Variants in AXDND1 observed in about 807,000 individuals in gnomAD.
The protein encoded by AXDND1 is axonemal dynein light chain domain-containing protein 1.
Under a neutral mutation model 137.5 loss-of-function variants are expected in AXDND1, and 110 were observed. The ratio of observed to expected loss-of-function variants is 0.80; its 90% CI spans 0.69 to 0.94. The LOEUF is 0.94. AXDND1 is among the 40% of genes least tolerant of loss of function. The pLI is 0.00. For synonymous variants in AXDND1, 414 were observed against 399.7 expected (o/e 1.04, Z -0.43); for missense variants, 1,191 against 1,169.8 (o/e 1.02, Z -0.26).
chr1:179,432,068 C>G (rs1558169525), intron 14 of AXDND1, among the ~76,000 whole-genome samples, 199 bp from the exon 15 acceptor site: 1 of 152,124 alleles, frequency 6.6e-6, no homozygotes, highest in Non-Finnish European at 1.5e-5. Flanking sequence ...AACTTGATTG[C>G]TCAGGTCTGA....
chr1:179,518,930 A>G (rs13374433), intron 21 of AXDND1, among the ~76,000 whole-genome samples: 1 of 152,078 alleles, frequency 6.6e-6, no homozygotes, highest in Admixed American at 6.6e-5. Context: ...GGGTCAAATG[A>G]TATTTCTGTC....
At chr1:179,512,222 C>G (rs181335172) in intron 21 of AXDND1, among the ~76,000 whole-genome samples, 74 of 152,256 alleles carry the variant, frequency 4.9e-4, no homozygotes, top group African/African-American at 1.7e-3. Context: ...CTTAATCCAT[C>G]TTGAGTTGAT....
intron 11 of AXDND1, among the ~76,000 whole-genome samples, chr1:179,402,129 G>A (rs2125176217): frequency 7.0e-6 from 1 of 143,562 alleles, no homozygotes; most frequent in South Asian, 2.2e-4. Flanking sequence ...CCGACATCAT[G>A]CACTCCAGCC....
chr1:179,406,176 CTTG>C (rs60424348), intron 11 of AXDND1, among the ~76,000 whole-genome samples: 44,470 of 151,748 alleles, frequency 0.29, 6,685 homozygotes, highest in Non-Finnish European at 0.31. Flanking sequence ...CAAAGTTTCT[CTTG>C]TTATTAATTT....
At chr1:179,477,444 C>A (rs11800184) in intron 17 of AXDND1, among the ~76,000 whole-genome samples, 69,340 of 151,800 alleles carry the variant, frequency 0.46, 16,709 homozygotes, top group East Asian at 0.76. Context: ...GGTGAGAGGC[C>A]CATCTCATAT....
At chr1:179,510,442 TA>T (rs142075493) in intron 21 of AXDND1, among the ~76,000 whole-genome samples, 19,064 of 84,442 alleles carry the variant, frequency 0.23, 1,367 homozygotes, top group East Asian at 0.32. Context: ...TCTACACATT[TA>T]TGAAACTTTT....
chr1:179,414,106 T>C (rs957505596), intron 12 of AXDND1, among the ~76,000 whole-genome samples: 1 of 151,962 alleles, frequency 6.6e-6, no homozygotes, highest in Admixed American at 6.6e-5. Context: ...ATTGGGCAAA[T>C]AATGCAGTTT....
intron 7 of AXDND1, among the ~76,000 whole-genome samples, 158 bp from the exon 8 acceptor site, chr1:179,383,284 T>A (rs1046104858): frequency 1.3e-5 from 2 of 152,170 alleles, no homozygotes; most frequent in Non-Finnish European, 2.9e-5. Context: ...ATATTATTGA[T>A]CTCCCAATAG....
chr1:179,468,784 C>T (rs1189596330), intron 17 of AXDND1, 143 bp downstream of exon 17: 5 of 589,934 alleles, frequency 8.5e-6, no homozygotes, highest in Non-Finnish European at 1.3e-5. Context: ...CATTACCGGT[C>T]AATTTTAGAA....
chr1:179,553,393 T>G (rs1216068292), intron 25 of AXDND1, among the ~76,000 whole-genome samples: 1 of 152,254 alleles, frequency 6.6e-6, no homozygotes, highest in African/African-American at 2.4e-5. Flanking sequence ...AAATGTGGTA[T>G]AGCCTCACAA....
rs191177659 is a variant in AXDND1, at chr1:179,528,308, G to A, written c.2611-19G>A. 7 of 1,579,200 alleles carry A rather than the reference G, an allele frequency of 4.4e-6. No individual in the cohort carries two copies. The highest frequency in any genetic ancestry group is 1.7e-4 in the Middle Eastern group (1 of 6,004). The stretch of plus-strand genomic sequence containing the variant: ...GCTACACCAGCTTGCTAACAGGTCC[G>A]CATGTTTCTGTGTTCTAGCAACCTT... On this transcript the variant is annotated intron_variant, in intron 22 of 25. Coordinates refer to ENST00000367618, the MANE Select transcript of AXDND1 (RefSeq NM_144696.6).
chr1:179,490,491 G>A (rs1428940915), intron 18 of AXDND1, among the ~76,000 whole-genome samples: 1 of 152,140 alleles, frequency 6.6e-6, no homozygotes, highest in African/African-American at 2.4e-5. Context: ...ACACTCCTAA[G>A]CCAAAAGAAA....
chr1:179,447,900 T>C, intron 16 of AXDND1: 2 of 1,363,804 alleles, frequency 1.5e-6, no homozygotes, highest in Non-Finnish European at 2.1e-6. Flanking sequence ...CATTTCTATG[T>C]AATATGGTTT....
rs115187893 is a variant in AXDND1, at chr1:179,517,607, G to A, written c.2497-7727G>A. Among the ~76,000 whole-genome samples the A allele has an allele frequency of 3.8e-3, 581 of 152,262 alleles. 2 individuals are homozygous for A. Among genetic ancestry groups the A allele is most frequent in the African/African-American group, 0.014 (563 of 41,570 alleles). ...GGAATGGCCTGCTTGGGGACCCTGC[G>A]AACTCCCAGAGCCTTTCCTGCTGCT... is the stretch of plus-strand genomic sequence containing the variant. On this transcript the variant is annotated intron_variant, in intron 21 of 25. Coordinates refer to ENST00000367618, the MANE Select transcript of AXDND1 (RefSeq NM_144696.6).
chr1:179,535,689 T>C (rs1406766734), intron 25 of AXDND1, among the ~76,000 whole-genome samples: 2 of 152,250 alleles, frequency 1.3e-5, no homozygotes, highest in African/African-American at 4.8e-5. Flanking sequence ...AACATACGTG[T>C]ACATGTGTCT....
intron 13 of AXDND1, 106 bp from the exon 14 acceptor site, chr1:179,430,345 AT>A: frequency 1.2e-6 from 1 of 856,330 alleles, no homozygotes; most frequent in Non-Finnish European, 1.7e-6. Context: ...TCAATTTTCT[AT>A]GAATTTCTCT....
chr1:179,398,321 A>G (rs1401155588), intron 11 of AXDND1, among the ~76,000 whole-genome samples: 5 of 152,160 alleles, frequency 3.3e-5, no homozygotes, highest in Non-Finnish European at 7.3e-5. Flanking sequence ...TATTGGGACC[A>G]GCTTTGTTCT....
At chr1:179,381,810 T>C (rs1296476385) in intron 6 of AXDND1, among the ~76,000 whole-genome samples, 1 of 152,046 alleles carries the variant, frequency 6.6e-6, no homozygotes, top group African/African-American at 2.4e-5. Flanking sequence ...GATGGAGTTT[T>C]GCTGTTGTTG....
intron 21 of AXDND1, among the ~76,000 whole-genome samples, chr1:179,523,943 T>C (rs541848912): frequency 6.6e-6 from 1 of 152,278 alleles, no homozygotes; most frequent in African/African-American, 2.4e-5. Context: ...CTCCCACTTA[T>C]GAGTGAGAAC....
Sources: gnomAD v4.1 joint callset for allele counts (sites outside exome capture counted in the v4.1 genomes callset) on GRCh38, gnomAD v4.1.1 for gene constraint, MANE v1.5 for transcripts, NCBI Gene and HGNC (gene_info 2026-07-23, HGNC 2026-07-21) for gene names.